The following SETBP1 variants were observed in gnomAD, a reference collection of about 807,000 sequenced individuals.
SETBP1 encodes SET binding protein 1.
Under a neutral mutation model 101.0 loss-of-function variants are expected in SETBP1, and 9 were observed. The observed-to-expected ratio is 0.09, with a 90% confidence interval of 0.05 to 0.16. The LOEUF is 0.16. SETBP1 is among the 10% of genes least tolerant of loss of function. The probability of loss-of-function intolerance (pLI) is 1.00; values close to 1 mark genes in which losing one functional copy is unlikely to be tolerated. For missense variants in SETBP1, 1,858 were observed against 2,033.8 expected, an observed-to-expected ratio of 0.91 and a Z score of 1.66; for synonymous variants, 818 against 788.5, an observed-to-expected ratio of 1.04 and a Z score of -0.63.
chr18:45,058,076 G>A (rs929824289), intron 5 of SETBP1, among the ~76,000 whole-genome samples: 1 of 152,212 alleles, frequency 6.6e-6, no homozygotes, highest in African/African-American at 2.4e-5. Context: ...TTCAAATATA[G>A]ATAGGGTCTG....
chr18:44,943,226 C>G (rs2071125234), intron 3 of SETBP1, among the ~76,000 whole-genome samples: 1 of 152,206 alleles, frequency 6.6e-6, no homozygotes. Context: ...AATTAAATGA[C>G]AGAACCGTTT....
intron 2 of SETBP1, among the ~76,000 whole-genome samples, chr18:44,744,278 C>A (rs932126930): frequency 6.6e-6 from 1 of 152,246 alleles, no homozygotes; most frequent in Admixed American, 6.5e-5. Flanking sequence ...GCTGGAGCTG[C>A]ACGCCTGCTC....
intron 4 of SETBP1, among the ~76,000 whole-genome samples, chr18:45,029,988 T>C (rs553430661): frequency 0.041 from 5,999 of 146,720 alleles, 122 homozygotes; most frequent in Non-Finnish European, 0.051. Flanking sequence ...TTTTCCTAAT[T>C]GAATACCCTT....
At chr18:44,802,140 C>G (rs2071620104) in intron 2 of SETBP1, among the ~76,000 whole-genome samples, 1 of 152,198 alleles carries the variant, frequency 6.6e-6, no homozygotes, top group Non-Finnish European at 1.5e-5. Flanking sequence ...CAGATCAGAG[C>G]TGGTGCTTCC....
intron 5 of SETBP1, among the ~76,000 whole-genome samples, chr18:45,055,621 A>C (rs1180263294): frequency 1.3e-5 from 2 of 152,150 alleles, no homozygotes; most frequent in African/African-American, 2.4e-5. Flanking sequence ...AGTTTGTTTC[A>C]ATACTTGTTG....
intron 2 of SETBP1, among the ~76,000 whole-genome samples, chr18:44,849,518 T>C (rs960368259): frequency 6.6e-6 from 1 of 152,158 alleles, no homozygotes. Flanking sequence ...GGCAGGGCAC[T>C]GAAGTGTGAG....
intron 2 of SETBP1, among the ~76,000 whole-genome samples, chr18:44,812,024 C>T (rs1257922268): frequency 1.3e-5 from 2 of 152,168 alleles, no homozygotes; most frequent in Non-Finnish European, 2.9e-5. Context: ...GACTGGGTGG[C>T]CTGAGCAGCT....
At chr18:44,864,484 A>C (rs2069085915) in intron 2 of SETBP1, among the ~76,000 whole-genome samples, 1 of 152,140 alleles carries the variant, frequency 6.6e-6, no homozygotes, top group Non-Finnish European at 1.5e-5. Context: ...AATTTATGCC[A>C]AGAGAGAAAC....
At chr18:44,989,847 C>T (rs1392353232) in intron 4 of SETBP1, among the ~76,000 whole-genome samples, 21 of 106,848 alleles carry the variant, frequency 2.0e-4, no homozygotes, top group Admixed American at 1.3e-3. Context: ...CCAGCCTGGG[C>T]GACAGAGCGA....
Position 44,706,591 on chromosome 18 carries a change from CAAAAAAAAAAAAAAAA to C in SETBP1, c.486+4779_486+4794del, listed in dbSNP as rs1018470585. Among the ~76,000 whole-genome samples the C allele has an allele frequency of 1.6e-3, 28 of 16,974 alleles. No homozygotes were observed. In the South Asian group the frequency reaches 0.038, roughly 23 times the overall value. 11.1% of individuals were successfully genotyped at this position (16,974 alleles called of 152,430 possible). A position where few individuals can be genotyped will look rare whatever the true frequency, so the allele number is the denominator to read the frequency against. On this transcript the variant is annotated intron_variant, in intron 2 of 5. Transcript: ENST00000649279. ...TGGGTGACAGAATGAGACTCAATCT[CAAAAAAAAAAAAAAAA>C]AAAAAAAAAAAAAAAAAAATTCCAG...
rs546651539 is a variant in SETBP1 at position 44,697,102 on chromosome 18, G to A, written c.-172-4073G>A. On this transcript the variant is annotated intron_variant, in intron 1 of 5. Coordinates refer to ENST00000649279, the MANE Select transcript of SETBP1 (RefSeq NM_015559.3). The stretch of plus-strand genomic sequence containing the variant: ...GCCCGCCCCCTCAGGAGGAGTCACT[G>A]ACTGCTGGAATGTGACAAGGCAAAA... 7 of 152,426 alleles carry A rather than the reference G, an allele frequency of 4.6e-5. No individual in the cohort carries two copies. In the East Asian group the frequency reaches 1.4e-3, roughly 29 times the overall value. The allele number at this position is 152,426 out of a possible 1,614,324, so 9.4% of individuals were successfully genotyped here. A position where few individuals can be genotyped will look rare whatever the true frequency, so the allele number is the denominator to read the frequency against.
intron 4 of SETBP1, among the ~76,000 whole-genome samples, chr18:44,997,045 G>T (rs73952943): frequency 3.3e-5 from 5 of 152,238 alleles, no homozygotes; most frequent in African/African-American, 1.2e-4. Flanking sequence ...CACAGGTGGC[G>T]TAATCAGGGA....
intron 2 of SETBP1, among the ~76,000 whole-genome samples, chr18:44,785,694 C>A (rs2071225754): frequency 6.6e-6 from 1 of 152,040 alleles, no homozygotes; most frequent in South Asian, 2.1e-4. Context: ...CTGATTTTAC[C>A]TTTGGTTCTT....
chr18:44,720,860 A>G (rs866471970), intron 2 of SETBP1, among the ~76,000 whole-genome samples: 1 of 151,630 alleles, frequency 6.6e-6, no homozygotes, highest in African/African-American at 2.4e-5. Context: ...GACAGATTTG[A>G]CTTTTTCCTA....
intron 2 of SETBP1, among the ~76,000 whole-genome samples, chr18:44,778,786 G>C (rs959076455): frequency 6.6e-6 from 1 of 152,222 alleles, no homozygotes; most frequent in African/African-American, 2.4e-5. Context: ...TATGGAACTT[G>C]TCATTGTAAC....
At chr18:44,738,773 CAAAAAAAAA>C (rs34390519) in intron 2 of SETBP1, among the ~76,000 whole-genome samples, 2 of 79,784 alleles carry the variant, frequency 2.5e-5, no homozygotes, top group African/African-American at 5.0e-5. Flanking sequence ...GACTCCATCT[CAAAAAAAAA>C]AAAAAAAAAG....
intron 5 of SETBP1, among the ~76,000 whole-genome samples, chr18:45,062,199 C>T (rs182492746): frequency 2.0e-4 from 30 of 152,336 alleles, no homozygotes; most frequent in East Asian, 1.7e-3. Flanking sequence ...GTGGCAGCAG[C>T]GCAGGACTTC....
chr18:44,921,874 C>G (rs1484911622), intron 3 of SETBP1, among the ~76,000 whole-genome samples: 1 of 152,170 alleles, frequency 6.6e-6, no homozygotes, highest in African/African-American at 2.4e-5. Context: ...AAGAGTAACA[C>G]AGCAAATGGC....
intron 2 of SETBP1, among the ~76,000 whole-genome samples, chr18:44,752,414 G>T (rs1383974187): frequency 3.3e-5 from 5 of 152,140 alleles, no homozygotes; most frequent in Non-Finnish European, 7.4e-5. Context: ...CAGGCAACAG[G>T]AACGCTTCAA....
Sources: gnomAD v4.1 joint callset for allele counts (sites outside exome capture counted in the v4.1 genomes callset) on GRCh38, gnomAD v4.1.1 for gene constraint, MANE v1.5 for transcripts, NCBI Gene and HGNC (gene_info 2026-07-23, HGNC 2026-07-21) for gene names.